Variants in KAT2B observed in about 807,000 individuals in gnomAD.
KAT2B encodes lysine acetyltransferase 2B.
In KAT2B, 36 loss-of-function variants were observed where a neutral mutation model predicts 105.9. The ratio of observed to expected loss-of-function variants is 0.34; its 90% confidence interval spans 0.26 to 0.45. KAT2B has a LOEUF of 0.45. Among genes scored for constraint, KAT2B ranks in the 20% least tolerant of loss-of-function variants. KAT2B has a pLI of 1.00. For missense variants in KAT2B, 820 were observed against 1,021.6 expected, an observed-to-expected ratio of 0.80 and a Z score of 2.69; for synonymous variants, 397 against 377.9, an observed-to-expected ratio of 1.05 and a Z score of -0.59.
At position 20,106,872 on chromosome 3, in the gene KAT2B, C is replaced by A. The variant is rs112537004; in HGVS notation, c.852-4724C>A. Reference sequence around the variant, plus strand: ...TGTCCAGTAGATATATAATATGAGCCAAAAATGCAAGCCAGATATATAATT... The same window carrying A: ...TGTCCAGTAGATATATAATATGAGCAAAAAATGCAAGCCAGATATATAATT... On this transcript the variant is annotated intron_variant, in intron 5 of 17. Coordinates refer to ENST00000263754, the MANE Select transcript of KAT2B (RefSeq NM_003884.5). 2.7e-3 allele frequency among the ~76,000 whole-genome samples: 390 copies of A among 145,178 alleles called. 1 individual carries two copies. The highest frequency in any genetic ancestry group is 8.9e-3 in the African/African-American group (350 of 39,356).
chr3:20,047,999 G>A (rs1697845898), intron 1 of KAT2B, among the ~76,000 whole-genome samples: 1 of 152,106 alleles, frequency 6.6e-6, no homozygotes, highest in Non-Finnish European at 1.5e-5. Context: ...TATCTTTTTG[G>A]CAAGGCTTCA....
At chr3:20,142,787 C>T (rs527296146) in intron 13 of KAT2B, among the ~76,000 whole-genome samples, 4 of 139,688 alleles carry the variant, frequency 2.9e-5, no homozygotes, top group African/African-American at 9.8e-5. Context: ...GATTTGTGGG[C>T]ACATGAACAG....
intron 1 of KAT2B, among the ~76,000 whole-genome samples, chr3:20,050,512 A>G (rs1697898115): frequency 6.6e-6 from 1 of 152,204 alleles, no homozygotes; most frequent in Non-Finnish European, 1.5e-5. Flanking sequence ...TAAACTTTAC[A>G]TAAATTGAGT....
At chr3:20,092,650 A>C (rs1297673158) in intron 2 of KAT2B, among the ~76,000 whole-genome samples, 1 of 151,924 alleles carries the variant, frequency 6.6e-6, no homozygotes, top group Non-Finnish European at 1.5e-5. Context: ...CTCTTGATGA[A>C]TTGATCCCTT....
chr3:20,140,385 C>G (rs1413729649), intron 13 of KAT2B, 21 bp downstream of exon 13: 1 of 1,612,424 alleles, frequency 6.2e-7, no homozygotes, highest in East Asian at 2.2e-5. Context: ...GGTTGACTCC[C>G]TTACCTTCTG....
chr3:20,085,843 A>T (rs1470516316), intron 2 of KAT2B, among the ~76,000 whole-genome samples: 1 of 152,054 alleles, frequency 6.6e-6, no homozygotes, highest in Non-Finnish European at 1.5e-5. Flanking sequence ...TAAGTTATTT[A>T]TATACTTAGA....
chr3:20,114,825 G>A (rs976339882), intron 6 of KAT2B, 57 bp from the exon 7 acceptor site: 71 of 896,736 alleles, frequency 7.9e-5, no homozygotes, highest in Non-Finnish European at 1.2e-4. Flanking sequence ...GATAATTAGG[G>A]CTGTTATCCT....
intron 1 of KAT2B, among the ~76,000 whole-genome samples, chr3:20,069,572 C>G (rs535510733): frequency 6.7e-6 from 1 of 149,598 alleles, no homozygotes; most frequent in African/African-American, 2.5e-5. Context: ...GTCGCTCAGG[C>G]TGGAGTGCAA....
At chr3:20,061,980 A>G (rs371905290) in intron 1 of KAT2B, among the ~76,000 whole-genome samples, 14,620 of 92,172 alleles carry the variant, frequency 0.16, 2,466 homozygotes, top group Non-Finnish European at 0.25. Context: ...TATTATATAT[A>G]AAACATATAA....
intron 2 of KAT2B, among the ~76,000 whole-genome samples, chr3:20,087,658 G>A (rs142022982): frequency 2.6e-5 from 4 of 152,206 alleles, no homozygotes; most frequent in Admixed American, 6.6e-5. Flanking sequence ...ATCTCTACCC[G>A]TACCTCACGT....
At chr3:20,150,731 AG>A (rs1699856200) in intron 17 of KAT2B, among the ~76,000 whole-genome samples, 1 of 152,208 alleles carries the variant, frequency 6.6e-6, no homozygotes, top group Non-Finnish European at 1.5e-5. Flanking sequence ...ATAGTTATTC[AG>A]AAAAGTCCAG....
rs1396172261 is a variant in KAT2B, at chr3:20,103,048, T to C, written c.851+1580T>C. Among the ~76,000 whole-genome samples the C allele has an allele frequency of 1.3e-4, 20 of 152,370 alleles. No homozygotes were observed. In the East Asian group the frequency reaches 3.9e-3, roughly 29 times the overall value. On this transcript the variant is annotated intron_variant, in intron 5 of 17. Coordinates refer to ENST00000263754, the MANE Select transcript of KAT2B (RefSeq NM_003884.5). ...AATATATGCAATTTCAGTTATAAAG[T>C]ATTTTCTCCTTAATAATTGATATTT...
intron 17 of KAT2B, among the ~76,000 whole-genome samples, chr3:20,149,640 T>C (rs1221789736): frequency 1.3e-5 from 2 of 152,016 alleles, no homozygotes; most frequent in Non-Finnish European, 2.9e-5. Context: ...ATATTTTATA[T>C]ATTTGTAGTA....
chr3:20,061,373 C>G (rs1698097384), intron 1 of KAT2B, among the ~76,000 whole-genome samples: 1 of 152,080 alleles, frequency 6.6e-6, no homozygotes, highest in Non-Finnish European at 1.5e-5. Flanking sequence ...ATTTATTCAT[C>G]TCTTAAGGGA....
intron 17 of KAT2B, among the ~76,000 whole-genome samples, chr3:20,149,948 G>A (rs1699843296): frequency 6.6e-6 from 1 of 152,202 alleles, no homozygotes; most frequent in African/African-American, 2.4e-5. Context: ...TGTGACTTTG[G>A]GGCCCTTTCA....
intron 7 of KAT2B, among the ~76,000 whole-genome samples, chr3:20,116,078 G>A (rs1188006664): frequency 6.6e-6 from 1 of 151,384 alleles, no homozygotes; most frequent in Admixed American, 6.6e-5. Flanking sequence ...ACATCTTTGT[G>A]TCCTTTTTTT....
intron 14 of KAT2B, among the ~76,000 whole-genome samples, chr3:20,147,248 C>G (rs963162369): frequency 2.0e-5 from 3 of 152,034 alleles, no homozygotes; most frequent in Admixed American, 2.0e-4. Context: ...GCAGATCTTA[C>G]TTTTATGCTA....
At chr3:20,062,036 TTATATATAAAACATATAATATATATTA>T (rs1559513986) in intron 1 of KAT2B, among the ~76,000 whole-genome samples, 1 of 75,552 alleles carries the variant, frequency 1.3e-5, no homozygotes, top group Non-Finnish European at 2.4e-5. Context: ...ATAATATATA[TTATATATAAAACATATAATATATATTA>T]TATATAAAAC....
intron 2 of KAT2B, among the ~76,000 whole-genome samples, chr3:20,072,756 A>G (rs1698348089): frequency 6.6e-6 from 1 of 152,192 alleles, no homozygotes. Context: ...AATGTGTAAC[A>G]TGTCCTGATT....
Sources: gnomAD v4.1 joint callset for allele counts (sites outside exome capture counted in the v4.1 genomes callset) on GRCh38, gnomAD v4.1.1 for gene constraint, MANE v1.5 for transcripts, NCBI Gene and HGNC (gene_info 2026-07-23, HGNC 2026-07-21) for gene names.